Variants in STK3 observed in about 807,000 individuals in gnomAD.
STK3 encodes serine/threonine kinase 3, also known as serine/threonine-protein kinase 3.
Under a neutral mutation model 58.0 loss-of-function variants are expected in STK3, and 41 were observed. The ratio of observed to expected loss-of-function variants is 0.71; its 90% CI spans 0.55 to 0.92. The LOEUF (loss-of-function observed/expected upper bound fraction) is 0.92, where lower values mean the gene tolerates loss of function less well. STK3 is among the 40% of genes least tolerant of loss of function. STK3 has a pLI of 0.00. For missense variants in STK3, 479 were observed against 602.7 expected, an observed-to-expected ratio of 0.79 and a Z score of 2.15; for synonymous variants, 170 against 191.0, an observed-to-expected ratio of 0.89 and a Z score of 0.91.
At chr8:98,889,535 A>T (rs1838119301) in intron 1 of STK3, among the ~76,000 whole-genome samples, 1 of 152,244 alleles carries the variant, frequency 6.6e-6, no homozygotes, top group African/African-American at 2.4e-5. Flanking sequence ...CTTTTGACAT[A>T]CAGAGTTGAC....
At chr8:98,566,198 AT>A (rs1812467313) in intron 8 of STK3, among the ~76,000 whole-genome samples, 1 of 152,168 alleles carries the variant, frequency 6.6e-6, no homozygotes, top group South Asian at 2.1e-4. Flanking sequence ...TGAATAAAAA[AT>A]ATTTTAAAAG....
At chr8:98,770,016 G>T (rs1295369709) in intron 2 of STK3, among the ~76,000 whole-genome samples, 1 of 152,082 alleles carries the variant, frequency 6.6e-6, no homozygotes, top group Non-Finnish European at 1.5e-5. Context: ...TAAAGTTAAG[G>T]TATCTAACAA....
At chr8:98,920,181 C>T (rs1479443427) in intron 1 of STK3, among the ~76,000 whole-genome samples, 1 of 152,188 alleles carries the variant, frequency 6.6e-6, no homozygotes, top group Non-Finnish European at 1.5e-5. Flanking sequence ...GAGGGACCCA[C>T]AAACCTAAAC....
chr8:98,696,848 G>C (rs1196100260), intron 6 of STK3, among the ~76,000 whole-genome samples: 1 of 152,190 alleles, frequency 6.6e-6, no homozygotes, highest in Non-Finnish European at 1.5e-5. Flanking sequence ...TCAGGCTTTG[G>C]TATCAGGATG....
chr8:98,908,894 G>A (rs1839024606), intron 1 of STK3, among the ~76,000 whole-genome samples: 1 of 149,638 alleles, frequency 6.7e-6, no homozygotes, highest in Admixed American at 6.7e-5. Flanking sequence ...GGTGGCTCAT[G>A]TCTGTAATCC....
At chr8:98,424,007 A>T (rs1039176120) in intron 3 of STK3, among the ~76,000 whole-genome samples, 11 of 152,336 alleles carry the variant, frequency 7.2e-5, no homozygotes, top group Non-Finnish European at 1.3e-4. Context: ...CGCCTGGAGC[A>T]GTGGCTGTAT....
chr8:98,837,141 T>C (rs1835775985), intron 3 of STK3, among the ~76,000 whole-genome samples: 1 of 152,182 alleles, frequency 6.6e-6, no homozygotes, highest in African/African-American at 2.4e-5. Context: ...TTAAGAACTA[T>C]TGATCTAAAC....
intron 3 of STK3, among the ~76,000 whole-genome samples, chr8:98,856,426 A>C (rs1014488345): frequency 6.6e-6 from 1 of 152,252 alleles, no homozygotes; most frequent in Non-Finnish European, 1.5e-5. Context: ...AAGAGATACA[A>C]ATAAATGGCC....
intron 6 of STK3, among the ~76,000 whole-genome samples, chr8:98,649,141 T>C (rs918104228): frequency 4.6e-5 from 7 of 152,182 alleles, no homozygotes; most frequent in East Asian, 3.8e-4. Flanking sequence ...CATTAGTCTA[T>C]TGGGATTTGC....
chr8:98,721,942 C>G (rs1297189282), intron 4 of STK3, among the ~76,000 whole-genome samples: 1 of 151,946 alleles, frequency 6.6e-6, no homozygotes, highest in Non-Finnish European at 1.5e-5. Flanking sequence ...TTTTAAATCT[C>G]TAACCTAACC....
intron 6 of STK3, among the ~76,000 whole-genome samples, chr8:98,656,564 A>C (rs1221720664): frequency 6.6e-6 from 1 of 152,126 alleles, no homozygotes; most frequent in African/African-American, 2.4e-5. Context: ...CAATTTTTTC[A>C]GCATCCATTA....
chr8:98,878,519 A>G (rs1231661563), intron 3 of STK3, among the ~76,000 whole-genome samples: 1 of 152,088 alleles, frequency 6.6e-6, no homozygotes, highest in African/African-American at 2.4e-5. Context: ...CAGCTCTGTC[A>G]TAACCATTTT....
intron 2 of STK3, among the ~76,000 whole-genome samples, chr8:98,770,849 T>C (rs1446025865): frequency 2.0e-5 from 3 of 152,152 alleles, no homozygotes; most frequent in African/African-American, 7.2e-5. Flanking sequence ...ACAGTTACCA[T>C]AATGAGTAAC....
At chr8:98,348,183 AC>A in the STK3 span, among the ~76,000 whole-genome samples, 1 of 152,210 alleles carries the variant, frequency 6.6e-6, no homozygotes, top group Non-Finnish European at 1.5e-5. Flanking sequence ...AACAAATGAT[AC>A]TGGAATAATT....
chr8:98,667,262 T>C (rs188471719), intron 6 of STK3, among the ~76,000 whole-genome samples: 32 of 152,236 alleles, frequency 2.1e-4, no homozygotes, highest in African/African-American at 7.0e-4. Context: ...ATTTAGTCAG[T>C]AAAAGGATAA....
chr8:98,536,767 T>C (rs1377200566), intron 9 of STK3, among the ~76,000 whole-genome samples: 1 of 152,226 alleles, frequency 6.6e-6, no homozygotes, highest in South Asian at 2.1e-4. Flanking sequence ...TATTGGTACA[T>C]ACAGTCAAAT....
At chr8:98,657,794 T>G (rs1278421897) in intron 6 of STK3, among the ~76,000 whole-genome samples, 1 of 151,920 alleles carries the variant, frequency 6.6e-6, no homozygotes, top group Non-Finnish European at 1.5e-5. Flanking sequence ...TTATATAAAG[T>G]GAAGAAACAC....
intron 3 of STK3, chr8:98,427,081 C>T (rs1349404284): frequency 6.6e-6 from 1 of 150,554 alleles, no homozygotes; most frequent in Non-Finnish European, 1.5e-5. Flanking sequence ...CGCGCGGATC[C>T]GGAGAGGGGG....
At chr8:98,873,699 A>G (rs1359468226) in intron 3 of STK3, among the ~76,000 whole-genome samples, 1 of 151,218 alleles carries the variant, frequency 6.6e-6, no homozygotes, top group Non-Finnish European at 1.5e-5. Flanking sequence ...TGCTTGGTAG[A>G]TCTTCCTCCA....
Sources: allele counts gnomAD v4.1 joint callset (sites outside exome capture counted in the v4.1 genomes callset), GRCh38; gene constraint gnomAD v4.1.1; transcripts MANE v1.5; gene names NCBI Gene and HGNC (gene_info 2026-07-23, HGNC 2026-07-21).